MTMR4: variants seen among roughly 807,000 people sequenced by gnomAD.
The protein encoded by MTMR4 is phosphatidylinositol-3,5-bisphosphate 3-phosphatase MTMR4.
Under a neutral mutation model 125.5 loss-of-function variants are expected in MTMR4, and 30 were observed. The ratio of observed to expected loss-of-function variants is 0.24; its 90% CI spans 0.18 to 0.32. MTMR4 has a LOEUF of 0.32. MTMR4 is among the 10% of genes least tolerant of loss of function. The pLI is 1.00. For synonymous variants in MTMR4, 498 were observed against 564.5 expected (o/e 0.88, Z 1.67); for missense variants, 1,039 against 1,511.5 (o/e 0.69, Z 5.18).
In MTMR4 at chr17:58,512,351, A is replaced by T. The variant is rs1282801790; in HGVS notation, c.252+39T>A. 18 of 1,505,842 alleles carry T rather than the reference A, an allele frequency of 1.2e-5. No individual in the cohort carries two copies. The highest frequency in any genetic ancestry group is 1.7e-5 in the Non-Finnish European group (18 of 1,081,690). 93.3% of individuals were successfully genotyped at this position (1,505,842 alleles called of 1,614,324 possible). On this transcript the variant is annotated intron_variant, in intron 3 of 17. Transcript: ENST00000682306. The surrounding 1 kb of genome is among the most constrained non-coding windows in gnomAD (Gnocchi z 4.1). ...CAATCCCACCTTGAACTTCATAGGG[A>T]TTCTAGCTTAGGGGTAGGAGAACAA... is the stretch of plus-strand genomic sequence containing the variant.
intron 7 of MTMR4, among the ~76,000 whole-genome samples, chr17:58,507,753 G>A (rs1473994853): frequency 2.0e-5 from 3 of 152,166 alleles, no homozygotes; most frequent in African/African-American, 7.2e-5. Flanking sequence ...ACCAGTTTCT[G>A]TCATGTATTC....
At position 58,491,255 on chromosome 17, in the gene MTMR4, C is replaced by G. The variant is rs1403930570; in HGVS notation, c.*408G>C. The G allele has an allele frequency of 6.4e-6, 1 of 157,178 alleles. No individual in the cohort carries two copies. Among genetic ancestry groups the G allele is most frequent in the African/African-American group, 2.4e-5 (1 of 41,538 alleles). The allele number at this position is 157,178 out of a possible 1,614,324, so 9.7% of individuals were successfully genotyped here. On this transcript the variant is annotated 3_prime_UTR_variant, in exon 18 of 18. Transcript: ENST00000682306. Reference sequence around the variant, plus strand: ...GAATTCCTACCTTGTATACTATAATCTGCTTTTGTCAAGGTGGAGGAGAGA... The same window carrying G: ...GAATTCCTACCTTGTATACTATAATGTGCTTTTGTCAAGGTGGAGGAGAGA...
At chr17:58,514,227 A>T (rs1384229250) in intron 1 of MTMR4, 136 bp downstream of exon 1, 1 of 789,402 alleles carries the variant, frequency 1.3e-6, no homozygotes, top group Non-Finnish European at 1.5e-6. Context: ...AAAAGGGTTA[A>T]CCCACCTTCC....
Position 58,506,878 on chromosome 17 carries a change from A to G in MTMR4, c.905-7T>C. 6.2e-7 allele frequency: 1 copy of G among 1,610,504 alleles called. No individual in the cohort carries two copies. Among genetic ancestry groups the G allele is most frequent in the Non-Finnish European group, 8.5e-7 (1 of 1,179,198 alleles). On this transcript the variant is annotated splice_polypyrimidine_tract_variant and splice_region_variant and intron_variant, in intron 8 of 17. Transcript: ENST00000682306. The stretch of plus-strand genomic sequence containing the variant: ...CACGCAGTCAGAGAAGAATCTAAAC[A>G]CACAGCAGGAAGGAGTCCCTGAGTC...
intron 14 of MTMR4, among the ~76,000 whole-genome samples, chr17:58,503,414 G>A (rs561518933): frequency 5.9e-5 from 9 of 152,262 alleles, no homozygotes; most frequent in East Asian, 1.9e-4. Context: ...TTGGGAGGCC[G>A]AGGCAGGTGG....
At chr17:58,496,825 G>A (rs999566549) in intron 14 of MTMR4, among the ~76,000 whole-genome samples, 3 of 152,176 alleles carry the variant, frequency 2.0e-5, no homozygotes, top group Admixed American at 6.5e-5. Context: ...CAGATACTTG[G>A]TTTCTCCCTT....
At position 58,504,211 on chromosome 17, in the gene MTMR4, C is replaced by A. The variant is rs1432987619; in HGVS notation, c.1537G>T (p.Val513Leu). 2 of 1,605,678 alleles carry A rather than the reference C, an allele frequency of 1.2e-6. No homozygotes were observed. The highest frequency in any genetic ancestry group is 1.7e-6 in the Non-Finnish European group (2 of 1,175,260). Residue 513 changes from valine (V) to leucine (L), a missense_variant, in exon 13 of 18, where the codon GTG becomes TTG. Val to Leu is a conservative substitution (Grantham distance 32). This residue lies in a region of MTMR4 where 107 missense variants were observed against 267.4 expected (regional missense o/e 0.40). Coordinates refer to ENST00000682306, the MANE Select transcript of MTMR4 (RefSeq NM_001378067.1). This position sits in a 1 kb window ranked among gnomAD's most constrained non-coding sequence, Gnocchi z 7.1. Reference protein sequence around the residue: ...EFNEAFLVKLVQHTYSCLYGT... With the variant: ...EFNEAFLVKLLQHTYSCLYGT... ...TAGAGGCAGGAGTATGTGTGTTGCACCAGTTTTACCTAGAAAGCAGAGAGA... is the reference window on the plus strand; with the variant it reads ...TAGAGGCAGGAGTATGTGTGTTGCAACAGTTTTACCTAGAAAGCAGAGAGA...
At position 58,507,326 on chromosome 17, in the gene MTMR4, A is replaced by G; in HGVS notation, c.708-7T>C. 6.2e-7 allele frequency: 1 copy of G among 1,610,036 alleles called. No homozygotes were observed. Among genetic ancestry groups the G allele is most frequent in the Non-Finnish European group, 8.5e-7 (1 of 1,179,314 alleles). On this transcript the variant is annotated splice_region_variant and splice_polypyrimidine_tract_variant and intron_variant, in intron 7 of 17. Coordinates refer to ENST00000682306, the MANE Select transcript of MTMR4 (RefSeq NM_001378067.1). ...AGCCCCATTGCGCAAGTGTCTGACA[A>G]AACAGAAGAAACCGTAATGCCCTTG... is the stretch of plus-strand genomic sequence containing the variant.
chr17:58,494,037 G>A (rs369659783), intron 15 of MTMR4, among the ~76,000 whole-genome samples: 62 of 152,208 alleles, frequency 4.1e-4, no homozygotes, highest in African/African-American at 1.4e-3. Context: ...CTGTTGGGCC[G>A]GGCGCAGTGG....
At position 58,492,825 on chromosome 17, in the gene MTMR4, T is replaced by TA; in HGVS notation, c.3363+16dup. ...CTGGCTCACGTAAGTACCCACCACA[T>TA]ATGTGCCTAAACATACCTCAGTCTC... On this transcript the variant is annotated intron_variant, in intron 16 of 17. Coordinates refer to ENST00000682306, the MANE Select transcript of MTMR4 (RefSeq NM_001378067.1). The TA allele has an allele frequency of 6.2e-7, 1 of 1,604,630 alleles. No individual in the cohort carries two copies. The highest frequency in any genetic ancestry group is 1.7e-5 in the Admixed American group (1 of 60,014).
intron 9 of MTMR4, 28 bp from the exon 10 acceptor site, chr17:58,505,611 T>C: frequency 3.8e-6 from 6 of 1,566,846 alleles, no homozygotes; most frequent in Non-Finnish European, 5.3e-6. Context: ...GAGTGGGACA[T>C]AAAAGCACGT....
chr17:58,490,777 G>A lies in MTMR4; in HGVS notation c.*886C>T, dbSNP rs1242955113. The A allele has an allele frequency of 6.6e-6, 1 of 152,660 alleles. No individual in the cohort carries two copies. Among genetic ancestry groups the A allele is most frequent in the Admixed American group, 6.5e-5 (1 of 15,282 alleles). The allele number at this position is 152,660 out of a possible 1,614,324, so 9.5% of individuals were successfully genotyped here. On this transcript the variant is annotated 3_prime_UTR_variant, in exon 18 of 18. Transcript: ENST00000682306. ...TTTCATGCCAGGAGAGGATCAAGGT[G>A]TAGCTCCTGTGTTAGCACCAGGACA...
intron 14 of MTMR4, among the ~76,000 whole-genome samples, chr17:58,502,696 G>A (rs979659025): frequency 2.6e-5 from 4 of 152,236 alleles, no homozygotes; most frequent in Middle Eastern, 3.4e-3. Context: ...AGTAAAAAGC[G>A]TATGTAAAAA....
intron 8 of MTMR4, 64 bp downstream of exon 8, chr17:58,507,059 T>G: frequency 9.4e-6 from 15 of 1,598,156 alleles, no homozygotes; most frequent in Non-Finnish European, 1.3e-5. Flanking sequence ...GGGGACTCCC[T>G]GGGAGCCAAT....
chr17:58,499,230 TTC>T (rs1013807033), intron 14 of MTMR4, among the ~76,000 whole-genome samples: 7 of 146,834 alleles, frequency 4.8e-5, no homozygotes, highest in African/African-American at 1.5e-4. Context: ...GCCACAGAAC[TTC>T]TTTTTTTTTT....
chr17:58,498,311 C>T (rs1975524932), intron 14 of MTMR4, among the ~76,000 whole-genome samples: 1 of 151,700 alleles, frequency 6.6e-6, no homozygotes, highest in Non-Finnish European at 1.5e-5. Flanking sequence ...AACATTCTGC[C>T]ATCCTCCACA....
At chr17:58,519,030 C>T (rs978808049), upstream of MTMR4, among the ~76,000 whole-genome samples, 4 of 152,202 alleles carry the variant, frequency 2.6e-5, no homozygotes, top group Admixed American at 6.5e-5. Context: ...TAATTAAATA[C>T]TGAACTCCTG....
Position 58,514,443 on chromosome 17 carries a change from G to A in MTMR4, c.-36C>T. The A allele has an allele frequency of 2.0e-6, 2 of 985,430 alleles. No homozygotes were observed. The highest frequency in any genetic ancestry group is 1.2e-6 in the Non-Finnish European group (1 of 829,746). 61.0% of individuals were successfully genotyped at this position (985,430 alleles called of 1,614,324 possible). A position where few individuals can be genotyped will look rare whatever the true frequency, so the allele number is the denominator to read the frequency against. The stretch of plus-strand genomic sequence containing the variant: ...GGTCTGGGCCAGCGCACATGTCCCC[G>A]GAGCCGCTGCGCTGCCCGCCAGCCC... On this transcript the variant is annotated 5_prime_UTR_variant, in exon 1 of 18. Coordinates refer to ENST00000682306, the MANE Select transcript of MTMR4 (RefSeq NM_001378067.1).
intron 14 of MTMR4, among the ~76,000 whole-genome samples, chr17:58,503,190 C>T (rs1975685490): frequency 6.6e-6 from 1 of 152,174 alleles, no homozygotes; most frequent in Admixed American, 6.5e-5. Context: ...TTTGTTCTCT[C>T]CCCTGCTTGG....
Sources: gnomAD v4.1 joint callset for allele counts (sites outside exome capture counted in the v4.1 genomes callset) on GRCh38, gnomAD v4.1.1 for gene constraint, gnomAD v4.1.1 regional missense constraint, Gnocchi (gnomAD v3.1) non-coding constraint, MANE v1.5 for transcripts, NCBI Gene and HGNC (gene_info 2026-07-23, HGNC 2026-07-21) for gene names.